Variants in CAMK1D observed in about 807,000 individuals in gnomAD.
CAMK1D encodes calcium/calmodulin dependent protein kinase ID.
In CAMK1D, 9 loss-of-function variants were observed where a neutral mutation model predicts 47.7. The ratio of observed to expected loss-of-function variants is 0.19; its 90% CI spans 0.11 to 0.33. CAMK1D has a LOEUF of 0.33. Ranked by LOEUF, CAMK1D falls within the 10% of genes least tolerant of loss-of-function variation. The probability of loss-of-function intolerance (pLI) is 1.00; values close to 1 mark genes in which losing one functional copy is unlikely to be tolerated. For missense variants in CAMK1D, 291 were observed against 488.7 expected, an observed-to-expected ratio of 0.60 and a Z score of 3.81; for synonymous variants, 184 against 184.9, an observed-to-expected ratio of 0.99 and a Z score of 0.04.
At chr10:12,774,026 T>C (rs887471447) in intron 5 of CAMK1D, among the ~76,000 whole-genome samples, 8 of 137,588 alleles carry the variant, frequency 5.8e-5, no homozygotes, top group Non-Finnish European at 1.1e-4. Context: ...CTTGAAGAAT[T>C]ATTTATTTAT....
intron 2 of CAMK1D, among the ~76,000 whole-genome samples, chr10:12,656,868 C>CAT (rs1345325326): frequency 6.6e-6 from 1 of 152,118 alleles, no homozygotes; most frequent in Non-Finnish European, 1.5e-5. Context: ...TTTACATAAA[C>CAT]ACATATATAT....
At chr10:12,526,528 A>C (rs2768458) in intron 1 of CAMK1D, among the ~76,000 whole-genome samples, 3,389 of 152,142 alleles carry the variant, frequency 0.022, 121 homozygotes, top group African/African-American at 0.077. Context: ...TGTGTCTCAG[A>C]GCTTTACCCT....
At chr10:12,710,693 C>A (rs888331696) in intron 3 of CAMK1D, among the ~76,000 whole-genome samples, 1 of 152,130 alleles carries the variant, frequency 6.6e-6, no homozygotes, top group Non-Finnish European at 1.5e-5. Context: ...GAAAATGCAA[C>A]CTTAGGAGTC....
chr10:12,611,381 G>C (rs1838614768), intron 2 of CAMK1D, among the ~76,000 whole-genome samples: 1 of 152,086 alleles, frequency 6.6e-6, no homozygotes, highest in African/African-American at 2.4e-5. Flanking sequence ...CGCTCCTGCA[G>C]CTCCTCTACC....
chr10:12,754,354 C>T (rs1320734167), intron 3 of CAMK1D, among the ~76,000 whole-genome samples: 1 of 152,120 alleles, frequency 6.6e-6, no homozygotes, highest in Non-Finnish European at 1.5e-5. Context: ...GTGTCAGTCT[C>T]CCACACTGGA....
At chr10:12,638,117 C>T (rs1372366894) in intron 2 of CAMK1D, among the ~76,000 whole-genome samples, 1 of 152,108 alleles carries the variant, frequency 6.6e-6, no homozygotes, top group Non-Finnish European at 1.5e-5. Flanking sequence ...TAGAAGCCCT[C>T]TCTCCACCCC....
intron 2 of CAMK1D, among the ~76,000 whole-genome samples, chr10:12,642,406 A>G (rs1315984259): frequency 6.6e-6 from 1 of 152,246 alleles, no homozygotes; most frequent in Non-Finnish European, 1.5e-5. Flanking sequence ...TGCTGCAGTT[A>G]CACGATGGAT....
chr10:12,706,366 G>A (rs1043826596), intron 3 of CAMK1D, among the ~76,000 whole-genome samples: 3 of 152,178 alleles, frequency 2.0e-5, no homozygotes, highest in Admixed American at 2.0e-4. Context: ...GGGGGCTACC[G>A]TGTCGTCCTT....
At chr10:12,569,769 C>G in intron 2 of CAMK1D, among the ~76,000 whole-genome samples, 1 of 145,164 alleles carries the variant, frequency 6.9e-6, no homozygotes, top group Admixed American at 6.9e-5. Flanking sequence ...TATTACAAAA[C>G]TTACCTAGGA....
intron 3 of CAMK1D, among the ~76,000 whole-genome samples, chr10:12,753,300 C>T (rs1437360364): frequency 6.6e-6 from 1 of 152,162 alleles, no homozygotes; most frequent in African/African-American, 2.4e-5. Context: ...AAAATATTTT[C>T]AAAAATTAAT....
Position 12,671,999 on chromosome 10 carries a change from T to C in CAMK1D, c.299+5189T>C, listed in dbSNP as rs1305891179. On this transcript the variant is annotated intron_variant, in intron 3 of 10. Transcript: ENST00000619168. ...GGCGTGATCTTGGCTCACTGCAAGC[T>C]GTGCCTCTCCGGTTCATGCCATTCT... Among the ~76,000 whole-genome samples the C allele has an allele frequency of 7.3e-5, 11 of 150,848 alleles. 1 individual carries two copies. The South Asian group carries it at 1.3e-3, about 17-fold the overall frequency.
chr10:12,491,658 T>C (rs1292371929), intron 1 of CAMK1D, among the ~76,000 whole-genome samples: 3 of 151,892 alleles, frequency 2.0e-5, no homozygotes, highest in Non-Finnish European at 4.4e-5. Context: ...GCCGAGAGGA[T>C]GAACTGAAAT....
chr10:12,823,953 G>A (rs190537396), intron 8 of CAMK1D, among the ~76,000 whole-genome samples: 28 of 152,080 alleles, frequency 1.8e-4, no homozygotes, highest in Admixed American at 1.7e-3. Flanking sequence ...TGGGAGCAGC[G>A]CCCCTGGGGA....
intron 2 of CAMK1D, among the ~76,000 whole-genome samples, chr10:12,565,774 G>A (rs1336004964): frequency 2.6e-5 from 4 of 152,084 alleles, no homozygotes; most frequent in Non-Finnish European, 5.9e-5. Context: ...CACATAACTG[G>A]TAATATGTGG....
chr10:12,570,493 A>C (rs1461621801), intron 2 of CAMK1D, among the ~76,000 whole-genome samples: 2 of 151,990 alleles, frequency 1.3e-5, no homozygotes, highest in Non-Finnish European at 2.9e-5. Flanking sequence ...AGGCTGGCCA[A>C]CATGGTGAAA....
intron 1 of CAMK1D, among the ~76,000 whole-genome samples, chr10:12,354,349 C>T (rs574106400): frequency 1.1e-4 from 16 of 152,084 alleles, no homozygotes; most frequent in African/African-American, 3.9e-4. Context: ...TTACCTTCTC[C>T]CTGTCTCAGT....
At chr10:12,577,701 C>G (rs1190626614) in intron 2 of CAMK1D, among the ~76,000 whole-genome samples, 1 of 152,210 alleles carries the variant, frequency 6.6e-6, no homozygotes, top group Non-Finnish European at 1.5e-5. Flanking sequence ...CTTAGGGGTT[C>G]TATTCATGAG....
chr10:12,495,906 C>T (rs1424494756), intron 1 of CAMK1D, among the ~76,000 whole-genome samples: 1 of 152,190 alleles, frequency 6.6e-6, no homozygotes, highest in African/African-American at 2.4e-5. Flanking sequence ...CAGCTCACTA[C>T]GACTTCTACC....
chr10:12,569,116 A>G (rs1049120518), intron 2 of CAMK1D, among the ~76,000 whole-genome samples: 2 of 152,232 alleles, frequency 1.3e-5, no homozygotes, highest in Non-Finnish European at 2.9e-5. Flanking sequence ...CAGATGGTCT[A>G]CATGGCAATG....
Sources: gnomAD v4.1 joint callset for allele counts (sites outside exome capture counted in the v4.1 genomes callset) on GRCh38, gnomAD v4.1.1 for gene constraint, MANE v1.5 for transcripts, NCBI Gene and HGNC (gene_info 2026-07-23, HGNC 2026-07-21) for gene names.